RTN4RL1: variants seen among roughly 807,000 people sequenced by gnomAD.
RTN4RL1 encodes reticulon-4 receptor-like 1.
Under a neutral mutation model 25.6 loss-of-function variants are expected in RTN4RL1, and 7 were observed. The ratio of observed to expected loss-of-function variants is 0.27; its 90% CI spans 0.16 to 0.51. RTN4RL1 has a LOEUF of 0.51. Among genes scored for constraint, RTN4RL1 ranks in the 20% least tolerant of loss-of-function variants. The probability of loss-of-function intolerance (pLI) is 0.97; values close to 1 mark genes in which losing one functional copy is unlikely to be tolerated. For synonymous variants in RTN4RL1, 297 were observed against 288.2 expected (o/e 1.03, Z -0.31); for missense variants, 500 against 615.6 (o/e 0.81, Z 1.99).
intron 1 of RTN4RL1, among the ~76,000 whole-genome samples, chr17:1,965,202 C>A: frequency 6.6e-6 from 1 of 151,518 alleles, no homozygotes; most frequent in East Asian, 1.9e-4. Context: ...CTCTGCCTCC[C>A]GGGTTCAAGT....
chr17:1,941,956 C>T (rs1915447161), intron 1 of RTN4RL1, among the ~76,000 whole-genome samples: 1 of 152,192 alleles, frequency 6.6e-6, no homozygotes, highest in African/African-American at 2.4e-5. Context: ...CCGCTGATTG[C>T]CTGATTAATG....
At chr17:1,937,919 G>A (rs1915346969) in intron 1 of RTN4RL1, 111 bp from the exon 2 acceptor site, 1 of 902,800 alleles carries the variant, frequency 1.1e-6, no homozygotes, top group Non-Finnish European at 1.6e-6. Context: ...AGCTCCGTGA[G>A]AGCCTTGTCC....
intron 1 of RTN4RL1, among the ~76,000 whole-genome samples, chr17:1,955,735 C>T (rs1021638807): frequency 6.6e-6 from 1 of 151,812 alleles, no homozygotes; most frequent in African/African-American, 2.4e-5. Flanking sequence ...AGGCGCCCAC[C>T]ACCATGCCCG....
rs528973355 is a variant in RTN4RL1 at position 1,935,994 on chromosome 17, G to A, written c.*502C>T. ...TGGAGTAGGATAGAATTCAGGGCAG[G>A]GTGACTGGCCTCAGGCAAGAGCCAA... On this transcript the variant is annotated 3_prime_UTR_variant, in exon 2 of 2. Transcript: ENST00000331238. The A allele has an allele frequency of 7.1e-6, 7 of 987,228 alleles. No homozygotes were observed. The highest frequency in any genetic ancestry group is 6.1e-5 in the Admixed American group (1 of 16,454). The allele number at this position is 987,228 out of a possible 1,614,324, so 61.2% of individuals were successfully genotyped here.
chr17:1,937,885 G>A (rs924097096), intron 1 of RTN4RL1, 77 bp from the exon 2 acceptor site: 38 of 1,167,040 alleles, frequency 3.3e-5, no homozygotes, highest in Non-Finnish European at 4.4e-5. Flanking sequence ...GGCGCCCGCC[G>A]AGGACGCATC....
intron 1 of RTN4RL1, among the ~76,000 whole-genome samples, chr17:2,004,889 C>T (rs1156802528): frequency 3.3e-5 from 5 of 152,222 alleles, no homozygotes; most frequent in Admixed American, 2.6e-4. Flanking sequence ...AAGGCCGGCA[C>T]ATGGAGCATG....
chr17:1,966,598 GC>G (rs2066792436), intron 1 of RTN4RL1, among the ~76,000 whole-genome samples: 2 of 152,104 alleles, frequency 1.3e-5, no homozygotes, highest in Admixed American at 6.5e-5. Context: ...CTGGGGAAGG[GC>G]AGTCTCTGTC....
At chr17:1,953,654 T>G (rs1915730012) in intron 1 of RTN4RL1, among the ~76,000 whole-genome samples, 1 of 151,996 alleles carries the variant, frequency 6.6e-6, no homozygotes, top group Admixed American at 6.6e-5. Context: ...AACCTCTACC[T>G]CCTGGGTTCA....
Position 1,979,544 on chromosome 17 carries a change from G to A in RTN4RL1, c.14-41736C>T, listed in dbSNP as rs576526148. 2.6e-5 allele frequency among the ~76,000 whole-genome samples: 4 copies of A among 152,118 alleles called. No individual in the cohort carries two copies. In the East Asian group the frequency reaches 5.8e-4, roughly 22 times the overall value. On this transcript the variant is annotated intron_variant, in intron 1 of 1. Coordinates refer to ENST00000331238, the MANE Select transcript of RTN4RL1 (RefSeq NM_178568.4). ...CTGAGTGGGGGGGTGTGGGTTGGGA[G>A]TACCACTCAAGGCTTTGCCTAACTG...
chr17:2,001,934 G>GGGGGGGGGAC (rs1159491211), intron 1 of RTN4RL1, among the ~76,000 whole-genome samples: 1 of 142,594 alleles, frequency 7.0e-6, no homozygotes, highest in African/African-American at 2.6e-5. Context: ...CCCTGGGGGA[G>GGGGGGGGGAC]GGGAGGGGAG....
At chr17:1,989,709 G>T (rs2066901522) in intron 1 of RTN4RL1, among the ~76,000 whole-genome samples, 1 of 152,122 alleles carries the variant, frequency 6.6e-6, no homozygotes, top group Non-Finnish European at 1.5e-5. Flanking sequence ...GAGTAGCCAG[G>T]ATTACAGGTG....
rs926102614 is a variant in RTN4RL1, at chr17:1,936,043, C to T, written c.*453G>A. On this transcript the variant is annotated 3_prime_UTR_variant, in exon 2 of 2. Transcript: ENST00000331238. ...AAGATGCCACCTGCTCGTGTGTGCC[C>T]AGACTGCTGGCCACCCAGCCTCGTG... 4.0e-6 allele frequency: 4 copies of T among 992,926 alleles called. No homozygotes were observed. Among genetic ancestry groups the T allele is most frequent in the Non-Finnish European group, 4.8e-6 (4 of 834,570 alleles). 61.5% of individuals were successfully genotyped at this position (992,926 alleles called of 1,614,324 possible).
Position 1,936,742 on chromosome 17 carries a change from C to G in RTN4RL1, c.1080G>C (p.Arg360Ser). The G allele has an allele frequency of 6.3e-7, 1 of 1,596,766 alleles. No homozygotes were observed. Among genetic ancestry groups the G allele is most frequent in the Non-Finnish European group, 8.5e-7 (1 of 1,173,182 alleles). ...RKPGKNCTNPRNRNQISKAGA... is the reference protein window; with the variant it reads ...RKPGKNCTNPSNRNQISKAGA... Reference sequence around the variant, plus strand: ...CCGCCTTAGAGATCTGATTGCGGTTCCTGGGGTTGGTGCAGTTCTTCCCCG... The same window carrying G: ...CCGCCTTAGAGATCTGATTGCGGTTGCTGGGGTTGGTGCAGTTCTTCCCCG... The change falls in exon 2 of 2, where the codon AGG becomes AGC. Residue 360 changes from arginine (R) to serine (S), a missense_variant. Transcript: ENST00000331238.
At chr17:1,970,442 T>C (rs2066813575) in intron 1 of RTN4RL1, among the ~76,000 whole-genome samples, 1 of 152,166 alleles carries the variant, frequency 6.6e-6, no homozygotes, top group South Asian at 2.1e-4. Flanking sequence ...TCTTAAGGCT[T>C]AGGACCTGAA....
intron 1 of RTN4RL1, among the ~76,000 whole-genome samples, chr17:2,010,729 A>C (rs201413133): frequency 6.6e-6 from 1 of 150,720 alleles, no homozygotes; most frequent in Non-Finnish European, 1.5e-5. Context: ...GGCTAATTAA[A>C]AAACAAACAA....
intron 1 of RTN4RL1, among the ~76,000 whole-genome samples, chr17:1,943,395 C>T (rs1175597855): frequency 2.0e-5 from 3 of 152,250 alleles, no homozygotes; most frequent in African/African-American, 7.2e-5. Flanking sequence ...TTGCCAGCAC[C>T]GAAGGGACTG....
At chr17:1,971,067 T>C (rs916867072) in intron 1 of RTN4RL1, among the ~76,000 whole-genome samples, 1 of 152,216 alleles carries the variant, frequency 6.6e-6, no homozygotes, top group Admixed American at 6.5e-5. Context: ...GCAAGGTAGA[T>C]GCTACTCAGT....
At chr17:1,977,097 A>C (rs1197640832) in intron 1 of RTN4RL1, among the ~76,000 whole-genome samples, 3 of 152,132 alleles carry the variant, frequency 2.0e-5, no homozygotes, top group African/African-American at 7.2e-5. Flanking sequence ...GGTGATAGAT[A>C]CTCTGCCTCT....
chr17:1,940,481 G>A (rs936252294), intron 1 of RTN4RL1, among the ~76,000 whole-genome samples: 4 of 152,088 alleles, frequency 2.6e-5, no homozygotes, highest in East Asian at 1.9e-4. Flanking sequence ...AGTGTCCACC[G>A]TCTCCACTTG....
Sources: allele counts gnomAD v4.1 joint callset (sites outside exome capture counted in the v4.1 genomes callset), GRCh38; gene constraint gnomAD v4.1.1; transcripts MANE v1.5; gene names NCBI Gene and HGNC (gene_info 2026-07-23, HGNC 2026-07-21).